ECM1: variants seen among roughly 807,000 people sequenced by gnomAD.
ECM1 encodes the protein secretory component p85.
In ECM1, 54 loss-of-function variants were observed where a neutral mutation model predicts 57.9. The observed-to-expected ratio is 0.93, with a 90% CI of 0.75 to 1.17. The LOEUF (loss-of-function observed/expected upper bound fraction) is 1.17. Among genes scored for constraint, ECM1 ranks in the 50% most tolerant of loss-of-function variants. ECM1 has a pLI of 0.00. For missense variants in ECM1, 649 were observed against 688.1 expected (o/e 0.94, Z 0.64); for synonymous variants, 237 against 259.1 (o/e 0.91, Z 0.82).
chr1:150,509,503 G>A (rs749427319), intron 1 of ECM1, 28 bp from the exon 2 acceptor site: 4 of 1,613,886 alleles, frequency 2.5e-6, no homozygotes, highest in East Asian at 4.5e-5. Context: ...CCTCCCAGTG[G>A]CCCCTGACTT....
In ECM1 at chr1:150,509,511, C is replaced by T. The variant is rs1344693865; in HGVS notation, c.71-20C>T. The stretch of plus-strand genomic sequence containing the variant: ...GGAAGGCCCTCCCAGTGGCCCCTGA[C>T]TTGCCCTTCTTCCCTCCAGGCTTCA... On this transcript the variant is annotated intron_variant, in intron 1 of 9. Coordinates refer to ENST00000369047, the MANE Select transcript of ECM1 (RefSeq NM_004425.4). 4 of 1,614,010 alleles carry T rather than the reference C, an allele frequency of 2.5e-6. No homozygotes were observed. In the African/African-American group the frequency reaches 5.3e-5, roughly 22 times the overall value.
At position 150,509,011 on chromosome 1, in the gene ECM1, G is replaced by A. The variant is rs898153038; in HGVS notation, c.71-520G>A. 5.3e-5 allele frequency among the ~76,000 whole-genome samples: 8 copies of A among 152,126 alleles called. No homozygotes were observed. In the East Asian group the frequency reaches 5.8e-4, roughly 11 times the overall value. On this transcript the variant is annotated intron_variant, in intron 1 of 9. Coordinates refer to ENST00000369047, the MANE Select transcript of ECM1 (RefSeq NM_004425.4). ...CCTAAATTGAGACCTAAACTAAGGC[G>A]GAGCTGAGACTGGCTGAAGGGGAAG...
At chr1:150,511,919 A>C in intron 7 of ECM1, 88 bp downstream of exon 7, 1 of 1,476,104 alleles carries the variant, frequency 6.8e-7, no homozygotes, top group Admixed American at 2.3e-5. Flanking sequence ...CCATCCATGT[A>C]CCCCCCCTGC....
rs990256263 is a variant in ECM1 at position 150,509,392 on chromosome 1, C to T, written c.71-139C>T. 9.1e-6 allele frequency: 8 copies of T among 878,556 alleles called. No individual in the cohort carries two copies. The Admixed American group carries it at 9.8e-5, about 11-fold the overall frequency. The allele number at this position is 878,556 out of a possible 1,614,324, so 54.4% of individuals were successfully genotyped here. ...GGGGCTGGGAGAGGATTAGGGGACA[C>T]GGGGCAGGTGAATACAGAGGGGCAT... is the stretch of plus-strand genomic sequence containing the variant. On this transcript the variant is annotated intron_variant, in intron 1 of 9. Coordinates refer to ENST00000369047, the MANE Select transcript of ECM1 (RefSeq NM_004425.4).
intron 9 of ECM1, 73 bp downstream of exon 9, chr1:150,512,885 C>A: frequency 1.3e-6 from 2 of 1,506,386 alleles, no homozygotes; most frequent in African/African-American, 2.8e-5. Context: ...GCAGGCCACC[C>A]CTTCTCTTTA....
Position 150,511,263 on chromosome 1 carries a change from G to A in ECM1, c.708+65G>A, listed in dbSNP as rs117808418. The stretch of plus-strand genomic sequence containing the variant: ...CCCAGACAGTATGTGTGTTTTAAGG[G>A]TTAGAGCACTAGGCCTGGGTCTGGA... On this transcript the variant is annotated intron_variant, in intron 6 of 9. Coordinates refer to ENST00000369047, the MANE Select transcript of ECM1 (RefSeq NM_004425.4). 8.9e-4 allele frequency: 1,436 copies of A among 1,605,132 alleles called. 34 individuals are homozygous for A. In the East Asian group the frequency reaches 0.025, roughly 28 times the overall value.
At chr1:150,509,807 C>T (rs1560264648) in intron 3 of ECM1, 45 bp downstream of exon 3, 1 of 1,613,720 alleles carries the variant, frequency 6.2e-7, no homozygotes, top group Admixed American at 1.7e-5. Context: ...CTCCAGGTTT[C>T]TAATCTGGCC....
chr1:150,511,751 C>T lies in ECM1; in HGVS notation c.1003C>T (p.Leu335=). 6.2e-7 allele frequency: 1 copy of T among 1,614,026 alleles called. No individual in the cohort carries two copies. The highest frequency in any genetic ancestry group is 1.6e-4 in the Middle Eastern group (1 of 6,062). ...AGCTACTGACCCCCTACAAAGGGAG[C>T]TGCTGGCACTGATCCAGCTGGAGAG... is the stretch of plus-strand genomic sequence containing the variant. ...LPATDPLQRE[L]LALIQLEREF... Residue 335 remains leucine (L), a synonymous_variant, in exon 7 of 10, where the codon CTG becomes TTG. Coordinates refer to ENST00000369047, the MANE Select transcript of ECM1 (RefSeq NM_004425.4).
At chr1:150,509,079 T>A (rs977447404) in intron 1 of ECM1, among the ~76,000 whole-genome samples, 19 of 152,274 alleles carry the variant, frequency 1.2e-4, no homozygotes, top group Non-Finnish European at 1.8e-4. Context: ...GGCCTAAAGA[T>A]GTTTCAAGGG....
chr1:150,512,205 C>G (rs1441203745), intron 7 of ECM1, 147 bp from the exon 8 acceptor site: 1 of 904,856 alleles, frequency 1.1e-6, no homozygotes, highest in Non-Finnish European at 1.8e-6. Flanking sequence ...ACAGTTGCCT[C>G]CTAACCCTCT....
chr1:150,509,566 G>A lies in ECM1; in HGVS notation c.106G>A (p.Glu36Lys), dbSNP rs1255847106. The A allele has an allele frequency of 6.2e-7, 1 of 1,614,056 alleles. No homozygotes were observed. The highest frequency in any genetic ancestry group is 8.5e-7 in the Non-Finnish European group (1 of 1,180,030). The change falls in exon 2 of 10, where the codon GAG (glutamate) becomes AAG (lysine). Residue 36 changes from glutamate to lysine, a missense_variant. Physicochemically the swap from Glu to Lys is moderately conservative, Grantham distance 56. Coordinates refer to ENST00000369047, the MANE Select transcript of ECM1 (RefSeq NM_004425.4). ...TACAGGACAGAGGCAGCTGAGGCCA[G>A]AGCACTTTCAAGAAGGTAAGAGTTT... Reference protein sequence around the residue: ...TATGQRQLRPEHFQEVGYAAP... With the variant: ...TATGQRQLRPKHFQEVGYAAP...
chr1:150,512,700 C>A (rs78751287), intron 8 of ECM1, 25 bp from the exon 9 acceptor site: 1 of 1,613,528 alleles, frequency 6.2e-7, no homozygotes, highest in Non-Finnish European at 8.5e-7. Flanking sequence ...AGACCCTAAC[C>A]CCTGCCCCTT....
Position 150,509,766 on chromosome 1 carries a change from A to T in ECM1, c.223+4A>T. ...CCCTTTGAGGGACAGAGTCAAGGTA[A>T]GGTCACCATCCCATGCCCTCCTCAG... On this transcript the variant is annotated splice_donor_region_variant and intron_variant, in intron 3 of 9. Transcript: ENST00000369047. 6.2e-7 allele frequency: 1 copy of T among 1,613,756 alleles called. No homozygotes were observed. The highest frequency in any genetic ancestry group is 8.5e-7 in the Non-Finnish European group (1 of 1,179,764).
rs1670456121 is a variant in ECM1, at chr1:150,511,916, T to C, written c.1083+85T>C. ...CTGATCCTGCCAGTCCATCCATCCA[T>C]GTACCCCCCCTGCTGTGAGTGCGTC... On this transcript the variant is annotated intron_variant, in intron 7 of 9. Coordinates refer to ENST00000369047, the MANE Select transcript of ECM1 (RefSeq NM_004425.4). 5.5e-6 allele frequency: 8 copies of C among 1,453,402 alleles called. No individual in the cohort carries two copies. In the Admixed American group the frequency reaches 1.9e-4, roughly 34 times the overall value. 90.0% of individuals were successfully genotyped at this position (1,453,402 alleles called of 1,614,324 possible).
rs748816844 is a variant in ECM1, at chr1:150,511,240, C to T, written c.708+42C>T. On this transcript the variant is annotated intron_variant, in intron 6 of 9. Coordinates refer to ENST00000369047, the MANE Select transcript of ECM1 (RefSeq NM_004425.4). The stretch of plus-strand genomic sequence containing the variant: ...GATGCCGGGGGGTGTCCTTTAACCC[C>T]AGACAGTATGTGTGTTTTAAGGGTT... 21 of 1,610,930 alleles carry T rather than the reference C, an allele frequency of 1.3e-5. No homozygotes were observed. In the East Asian group the frequency reaches 3.1e-4, roughly 24 times the overall value.
rs764491442 is a variant in ECM1 at position 150,511,721 on chromosome 1, C to T, written c.973C>T (p.Leu325=). ...GCGCTTCCGCTCTGTGCCACGCAAC[C>T]TGCCAGCTACTGACCCCCTACAAAG... ...LRRFRSVPRN[L]PATDPLQREL... Residue 325 remains leucine, a synonymous_variant, in exon 7 of 10, where the codon CTG becomes TTG. Coordinates refer to ENST00000369047, the MANE Select transcript of ECM1 (RefSeq NM_004425.4). 6.2e-7 allele frequency: 1 copy of T among 1,614,144 alleles called. No individual in the cohort carries two copies. Among genetic ancestry groups the T allele is most frequent in the Non-Finnish European group, 8.5e-7 (1 of 1,180,016 alleles).
At position 150,508,295 on chromosome 1, in the gene ECM1, A is replaced by G; in HGVS notation, c.70+16A>G. The G allele has an allele frequency of 6.2e-7, 1 of 1,612,234 alleles. No individual in the cohort carries two copies. The stretch of plus-strand genomic sequence containing the variant: ...TCTGAGGGAGGTGAGTTGGGGGATC[A>G]GCACTTAGGAGGGGGTCTGGGCTTG... On this transcript the variant is annotated intron_variant, in intron 1 of 9. Coordinates refer to ENST00000369047, the MANE Select transcript of ECM1 (RefSeq NM_004425.4).
In ECM1 at chr1:150,511,699, C is replaced by A; in HGVS notation, c.951C>A (p.Arg317=). ...DNIKNICHLR[R]FRSVPRNLPA... is the part of the protein sequence containing the mutation. Reference sequence around the variant, plus strand: ...TCAAGAACATCTGCCACCTGAGGCGCTTCCGCTCTGTGCCACGCAACCTGC... The same window carrying A: ...TCAAGAACATCTGCCACCTGAGGCGATTCCGCTCTGTGCCACGCAACCTGC... The change falls in exon 7 of 10, where the codon CGC becomes CGA. Residue 317 remains arginine, a synonymous_variant. Coordinates refer to ENST00000369047, the MANE Select transcript of ECM1 (RefSeq NM_004425.4). 6.2e-7 allele frequency: 1 copy of A among 1,614,164 alleles called. No individual in the cohort carries two copies. The highest frequency in any genetic ancestry group is 8.5e-7 in the Non-Finnish European group (1 of 1,180,014).
chr1:150,511,189 C>A lies in ECM1; in HGVS notation c.699C>A (p.Ala233=), dbSNP rs1409240580. ...CRSHTNRLEC[A]KLVWEEAMSR... is the part of the protein sequence containing the mutation. ...GCCACACAAACCGCCTAGAGTGTGC[C>A]AAACTTGTGGTAAGGTTGGGTTCTT... is the stretch of plus-strand genomic sequence containing the variant. Residue 233 remains alanine (A), a synonymous_variant, in exon 6 of 10, where the codon GCC becomes GCA. Coordinates refer to ENST00000369047, the MANE Select transcript of ECM1 (RefSeq NM_004425.4). The A allele has an allele frequency of 6.2e-7, 1 of 1,614,146 alleles. No homozygotes were observed. The highest frequency in any genetic ancestry group is 8.5e-7 in the Non-Finnish European group (1 of 1,180,038).
Sources: gnomAD v4.1 joint callset for allele counts (sites outside exome capture counted in the v4.1 genomes callset) on GRCh38, gnomAD v4.1.1 for gene constraint, MANE v1.5 for transcripts, NCBI Gene and HGNC (gene_info 2026-07-23, HGNC 2026-07-21) for gene names.